The following GABRR2 variants were observed in gnomAD, a reference collection of about 807,000 sequenced individuals.
The protein encoded by GABRR2 is gamma-aminobutyric acid type A receptor subunit rho2.
Under a neutral mutation model 47.0 loss-of-function variants are expected in GABRR2, and 36 were observed. The observed-to-expected ratio is 0.77, with a 90% CI of 0.59 to 1.01. The LOEUF (loss-of-function observed/expected upper bound fraction) is 1.01, where lower values mean the gene tolerates loss of function less well. GABRR2 is among the 50% of genes least tolerant of loss of function. The pLI, the probability that GABRR2 is intolerant of heterozygous loss-of-function variation, is 0.00. For missense variants in GABRR2, 587 were observed against 594.6 expected, an observed-to-expected ratio of 0.99 and a Z score of 0.13; for synonymous variants, 204 against 227.5, an observed-to-expected ratio of 0.90 and a Z score of 0.93.
At chr6:89,301,629 C>T (rs1003441075) in intron 1 of GABRR2, among the ~76,000 whole-genome samples, 1 of 151,664 alleles carries the variant, frequency 6.6e-6, no homozygotes, top group Non-Finnish European at 1.5e-5. Flanking sequence ...ATGATTGCCA[C>T]AAAAAGAATA....
intron 2 of GABRR2, among the ~76,000 whole-genome samples, chr6:89,294,397 T>G (rs1475343): frequency 6.6e-6 from 1 of 152,010 alleles, no homozygotes; most frequent in South Asian, 2.1e-4. Context: ...CCACCCACCT[T>G]GACCTCCCAA....
Position 89,264,580 on chromosome 6 carries a change from G to A in GABRR2, c.918C>T (p.Thr306=), listed in dbSNP as rs1183861617. The A allele has an allele frequency of 1.9e-6, 3 of 1,614,068 alleles. No homozygotes were observed. The highest frequency in any genetic ancestry group is 2.5e-6 in the Non-Finnish European group (3 of 1,180,042). Residue 306 remains threonine, a synonymous_variant, in exon 8 of 9, where the codon ACC becomes ACT. Transcript: ENST00000402938. ...LGITTVLTMT[T]IITGVNASMP... ...TGGAGGCATTCACGCCCGTGATGAT[G>A]GTGGTCATGGTCAGCACCGTCGTGA...
intron 2 of GABRR2, among the ~76,000 whole-genome samples, chr6:89,293,179 T>C (rs1256194365): frequency 1.3e-5 from 2 of 152,160 alleles, no homozygotes; most frequent in African/African-American, 2.4e-5. Flanking sequence ...TTATGCTAGA[T>C]GGAATATGCC....
chr6:89,308,083 G>C (rs1767602223), intron 1 of GABRR2, among the ~76,000 whole-genome samples: 1 of 152,108 alleles, frequency 6.6e-6, no homozygotes, highest in Non-Finnish European at 1.5e-5. Context: ...CCAAAGTGCT[G>C]GGGTTACAGG....
chr6:89,310,465 G>A (rs1767661869), intron 1 of GABRR2, among the ~76,000 whole-genome samples: 1 of 152,160 alleles, frequency 6.6e-6, no homozygotes, highest in East Asian at 1.9e-4. Flanking sequence ...TCCCTTAAAT[G>A]TCAGTGTCCC....
intron 1 of GABRR2, among the ~76,000 whole-genome samples, chr6:89,309,260 T>C (rs763546054): frequency 5.9e-5 from 9 of 152,084 alleles, no homozygotes; most frequent in Non-Finnish European, 1.3e-4. Context: ...CCTGCCCTAT[T>C]TGCACATCCT....
At chr6:89,286,184 T>A (rs1166598641) in intron 2 of GABRR2, among the ~76,000 whole-genome samples, 1 of 152,200 alleles carries the variant, frequency 6.6e-6, no homozygotes, top group East Asian at 1.9e-4. Context: ...TATTGTATGA[T>A]CACAGTTAGA....
intron 2 of GABRR2, among the ~76,000 whole-genome samples, chr6:89,290,263 GC>G (rs759150491): frequency 1.2e-4 from 18 of 152,230 alleles, no homozygotes; most frequent in Non-Finnish European, 2.5e-4. Flanking sequence ...GGCAGACTGG[GC>G]CCAGCACATG....
intron 2 of GABRR2, among the ~76,000 whole-genome samples, chr6:89,276,451 T>C (rs1207823767): frequency 6.6e-6 from 1 of 152,132 alleles, no homozygotes; most frequent in East Asian, 1.9e-4. Flanking sequence ...GAAAAGCGTT[T>C]GTTAAAATCA....
At chr6:89,293,993 AAAGGTCACCC>A (rs1249124149) in intron 2 of GABRR2, among the ~76,000 whole-genome samples, 3 of 152,190 alleles carry the variant, frequency 2.0e-5, no homozygotes. Flanking sequence ...TCTAGACTAA[AAAGGTCACCC>A]AACGGGTATC....
chr6:89,274,233 G>T (rs907589822), intron 2 of GABRR2, among the ~76,000 whole-genome samples: 1 of 152,214 alleles, frequency 6.6e-6, no homozygotes, highest in African/African-American at 2.4e-5. Flanking sequence ...GCCCCAGGTT[G>T]TTGGAGGAAA....
chr6:89,264,493 C>A lies in GABRR2; in HGVS notation c.1005G>T (p.Val335=), dbSNP rs1003855942. The change falls in exon 8 of 9, where the codon GTG becomes GTT. Residue 335 remains valine (V), a synonymous_variant. Transcript: ENST00000402938. ...CCGCATACTCCAGCACCGAGAGGAA[C>A]ACGAACACAAAGCTGACCCAGAGGT... ...DIYLWVSFVF[V]FLSVLEYAAV... is the part of the protein sequence containing the mutation. The A allele has an allele frequency of 3.1e-6, 5 of 1,614,132 alleles. No homozygotes were observed. In the East Asian group the frequency reaches 1.1e-4, roughly 36 times the overall value.
At chr6:89,309,414 A>G (rs1767639099) in intron 1 of GABRR2, among the ~76,000 whole-genome samples, 1 of 151,698 alleles carries the variant, frequency 6.6e-6, no homozygotes, top group East Asian at 1.9e-4. Flanking sequence ...TCCCACCAGT[A>G]TTCAAACTGG....
At chr6:89,313,931 TAAAC>T (rs1767718922) in intron 1 of GABRR2, among the ~76,000 whole-genome samples, 1 of 150,324 alleles carries the variant, frequency 6.7e-6, no homozygotes, top group South Asian at 2.1e-4. Flanking sequence ...AACAAACAAA[TAAAC>T]AAAAGAGAGT....
chr6:89,282,756 A>G (rs1276845607), intron 2 of GABRR2, among the ~76,000 whole-genome samples: 2 of 152,220 alleles, frequency 1.3e-5, no homozygotes, highest in Non-Finnish European at 2.9e-5. Flanking sequence ...GGCTTCCCAC[A>G]AGGTCAACCT....
At chr6:89,293,340 G>GT (rs1774502030) in intron 2 of GABRR2, among the ~76,000 whole-genome samples, 1 of 152,142 alleles carries the variant, frequency 6.6e-6, no homozygotes, top group Admixed American at 6.6e-5. Flanking sequence ...TAGAGTTTCT[G>GT]TTTGGAGAGA....
intron 1 of GABRR2, among the ~76,000 whole-genome samples, chr6:89,310,411 GACAGGCGCTTCT>G: frequency 1.3e-5 from 2 of 152,132 alleles, no homozygotes. Context: ...CTACCTCTCT[GACAGGCGCTTCT>G]CCACTGCAGC....
chr6:89,265,669 A>G lies in GABRR2; in HGVS notation c.833T>C (p.Leu278Pro). Reference protein sequence around the residue: ...TYFPATLMVMLSWVSFWIDRR... With the variant: ...TYFPATLMVMPSWVSFWIDRR... ...GTCGATCCAGAAGGACACCCAGGAC[A>G]GCATGACCATCAGAGTGGCAGGGAA... Residue 278 changes from leucine to proline, a missense_variant, in exon 7 of 9, where the codon CTG (leucine) becomes CCG (proline). Leu to Pro is a moderately conservative substitution (Grantham distance 98, BLOSUM62 -3). Coordinates refer to ENST00000402938, the MANE Select transcript of GABRR2 (RefSeq NM_002043.5). 1 of 1,614,236 alleles carries G rather than the reference A, an allele frequency of 6.2e-7. No homozygotes were observed. The highest frequency in any genetic ancestry group is 8.5e-7 in the Non-Finnish European group (1 of 1,180,034).
chr6:89,303,049 G>A, intron 1 of GABRR2: 9 of 1,020,344 alleles, frequency 8.8e-6, no homozygotes, highest in Non-Finnish European at 1.3e-5. Context: ...GGACTCCATG[G>A]CCCAGGAGGA....
Sources: allele counts gnomAD v4.1 joint callset (sites outside exome capture counted in the v4.1 genomes callset), GRCh38; gene constraint gnomAD v4.1.1; transcripts MANE v1.5; gene names NCBI Gene and HGNC (gene_info 2026-07-23, HGNC 2026-07-21).